Variants in NEBL observed in about 807,000 individuals in gnomAD.
NEBL encodes LIM and SH3 protein 2.
A neutral mutation model predicts 140.2 loss-of-function variants in NEBL; 122 were observed. The observed-to-expected ratio is 0.87, with a 90% CI of 0.75 to 1.01. NEBL has a LOEUF of 1.01. Among genes scored for constraint, NEBL ranks in the 50% least tolerant of loss-of-function variants. The pLI, the probability that NEBL is intolerant of heterozygous loss-of-function variation, is 0.00. For synonymous variants in NEBL, 436 were observed against 398.9 expected, an observed-to-expected ratio of 1.09 and a Z score of -1.11; for missense variants, 1,365 against 1,231.3, an observed-to-expected ratio of 1.11 and a Z score of -1.62.
chr10:21,053,670 G>T (rs903495022), intron 2 of NEBL, among the ~76,000 whole-genome samples: 1 of 152,080 alleles, frequency 6.6e-6, no homozygotes, highest in Non-Finnish European at 1.5e-5. Flanking sequence ...CATTTTTAAG[G>T]TATGGCCTGA....
chr10:20,956,645 T>C (rs1835818419), intron 4 of NEBL, among the ~76,000 whole-genome samples: 1 of 152,182 alleles, frequency 6.6e-6, no homozygotes, highest in Non-Finnish European at 1.5e-5. Context: ...ATTTTACTAC[T>C]CAAAATCAGA....
intron 4 of NEBL, among the ~76,000 whole-genome samples, chr10:20,882,389 A>C (rs1846097109): frequency 6.6e-6 from 1 of 152,046 alleles, no homozygotes; most frequent in Non-Finnish European, 1.5e-5. Flanking sequence ...GAAAAAGAAA[A>C]ACTAGAACAG....
chr10:20,786,278 CA>C (rs1490428982), intron 27 of NEBL, among the ~76,000 whole-genome samples: 5 of 152,080 alleles, frequency 3.3e-5, no homozygotes, highest in Non-Finnish European at 7.4e-5. Flanking sequence ...CGTCATATGT[CA>C]GAGAAGTTCA....
intron 4 of NEBL, among the ~76,000 whole-genome samples, chr10:20,929,234 T>A (rs1432534192): frequency 3.3e-5 from 5 of 151,570 alleles, no homozygotes; most frequent in Non-Finnish European, 7.4e-5. Flanking sequence ...AACAGATGAC[T>A]GGATAAAGAA....
At chr10:21,025,413 G>C (rs1242503363) in intron 2 of NEBL, among the ~76,000 whole-genome samples, 1 of 152,156 alleles carries the variant, frequency 6.6e-6, no homozygotes, top group South Asian at 2.1e-4. Context: ...TAAAGACAGA[G>C]AGAATCAAGA....
intron 2 of NEBL, among the ~76,000 whole-genome samples, chr10:21,084,346 G>A (rs1589218859): frequency 1.3e-5 from 2 of 152,298 alleles, no homozygotes; most frequent in East Asian, 3.9e-4. Context: ...AGTTTTATGG[G>A]CAAGAGTCTA....
At position 20,859,804 on chromosome 10, in the gene NEBL, T is replaced by C; in HGVS notation, c.707A>G (p.Asp236Gly). ...SSQIKYKEKF[D>G]NEMKDKKHHY... ...ATGTTTCTTATCCTTCATTTCATTA[T>C]CAAATTTTTCTTTGTATTTAATCTG... Residue 236 changes from aspartate to glycine, a missense_variant, in exon 8 of 28, where the codon GAT becomes GGT. Transcript: ENST00000377122. 6.4e-7 allele frequency: 1 copy of C among 1,555,928 alleles called. No individual in the cohort carries two copies. Among genetic ancestry groups the C allele is most frequent in the Non-Finnish European group, 8.8e-7 (1 of 1,130,636 alleles).
chr10:21,291,029 G>A (rs12245113), intron 1 of NEBL, among the ~76,000 whole-genome samples: 8,160 of 152,208 alleles, frequency 0.054, 740 homozygotes, highest in African/African-American at 0.19. Context: ...TGCCAGTAAT[G>A]GTTCTTAGAG....
chr10:20,949,637 T>A (rs894391486), intron 4 of NEBL, among the ~76,000 whole-genome samples: 5 of 152,230 alleles, frequency 3.3e-5, no homozygotes, highest in African/African-American at 1.2e-4. Context: ...ATACTGATTT[T>A]TTTTAACCAT....
At chr10:21,011,559 A>G (rs76040518) in intron 3 of NEBL, among the ~76,000 whole-genome samples, 6,118 of 152,034 alleles carry the variant, frequency 0.04, 402 homozygotes, top group African/African-American at 0.14. Context: ...CCATGCCCAC[A>G]TTCCCTCCTT....
chr10:20,828,420 C>A, intron 17 of NEBL, 110 bp downstream of exon 17: 1 of 713,658 alleles, frequency 1.4e-6, no homozygotes, highest in Non-Finnish European at 2.5e-6. Context: ...ATACACTTGA[C>A]AGAAAATTCA....
At position 20,934,870 on chromosome 10, in the gene NEBL, T is replaced by C. The variant is rs928029348; in HGVS notation, c.357+26802A>G. On this transcript the variant is annotated intron_variant, in intron 4 of 6. Coordinates refer to the NEBL transcript ENST00000417816. ...CATTAACAGACAAATCTTTAAGACA[T>C]AGCAACATTTCTAGCAGGAACAAAA... is the stretch of plus-strand genomic sequence containing the variant. Among the ~76,000 whole-genome samples the C allele has an allele frequency of 2.0e-5, 3 of 152,106 alleles. No individual in the cohort carries two copies. In the South Asian group the frequency reaches 6.2e-4, roughly 32 times the overall value.
chr10:20,958,416 C>T (rs1047606118), intron 4 of NEBL, among the ~76,000 whole-genome samples: 2 of 152,188 alleles, frequency 1.3e-5, no homozygotes, highest in Admixed American at 6.5e-5. Flanking sequence ...GTGCTGAACA[C>T]ATTGGCTGTC....
chr10:21,089,161 T>C (rs998302590), intron 2 of NEBL, among the ~76,000 whole-genome samples: 1 of 152,276 alleles, frequency 6.6e-6, no homozygotes, highest in East Asian at 1.9e-4. Flanking sequence ...AGTTTTCTGC[T>C]TGAGCGGAGT....
intron 3 of NEBL, among the ~76,000 whole-genome samples, chr10:20,975,118 T>C (rs558965710): frequency 5.2e-4 from 79 of 152,302 alleles, no homozygotes; most frequent in African/African-American, 1.8e-3. Context: ...TTTCCCAAAA[T>C]GACATAGGAC....
Position 21,141,074 on chromosome 10 carries a change from A to AC in NEBL, c.164+31308dup, listed in dbSNP as rs1554828263. 8.6e-3 allele frequency among the ~76,000 whole-genome samples: 1,309 copies of AC among 151,446 alleles called. 19 individuals are homozygous for AC. Among genetic ancestry groups the AC allele is most frequent in the African/African-American group, 0.03 (1,235 of 41,138 alleles). ...GAGGTATTCGACAAAAAAAAAAAAA[A>AC]CCTGCTCTATGCTCTTCAAAAATCT... On this transcript the variant is annotated intron_variant, in intron 2 of 6. Coordinates refer to the NEBL transcript ENST00000417816.
rs536785960 is a variant in NEBL at position 20,841,807 on chromosome 10, C to G, written c.1228-958G>C. ...TCTTCATCTCTTGGTTCTGTTTTCT[C>G]TATTGGCTTTGCTTTTGGAAGGCTG... On this transcript the variant is annotated intron_variant, in intron 12 of 27. Transcript: ENST00000377122. Among the ~76,000 whole-genome samples, 6 of 152,190 alleles carry G rather than the reference C, an allele frequency of 3.9e-5. No individual in the cohort carries two copies. In the East Asian group the frequency reaches 1.2e-3, roughly 29 times the overall value.
intron 2 of NEBL, among the ~76,000 whole-genome samples, chr10:21,165,179 G>C (rs1840709547): frequency 6.6e-6 from 1 of 152,106 alleles, no homozygotes; most frequent in South Asian, 2.1e-4. Context: ...CTGGTAGGTG[G>C]GAATTATTTT....
intron 2 of NEBL, among the ~76,000 whole-genome samples, chr10:21,139,276 G>A (rs1839504060): frequency 6.6e-6 from 1 of 152,176 alleles, no homozygotes; most frequent in South Asian, 2.1e-4. Flanking sequence ...AAGCTTTGGA[G>A]TTGTGGCCAA....
Sources: gnomAD v4.1 joint callset for allele counts (sites outside exome capture counted in the v4.1 genomes callset) on GRCh38, gnomAD v4.1.1 for gene constraint, MANE v1.5 for transcripts, NCBI Gene and HGNC (gene_info 2026-07-23, HGNC 2026-07-21) for gene names.